BRAT1: variants seen among roughly 807,000 people sequenced by gnomAD.
BRAT1 encodes the protein BRCA1 associated ATM activator 1, also known as integrator complex assembly factor BRAT1.
In BRAT1, 74 loss-of-function variants were observed where a neutral mutation model predicts 70.6. That is an observed-to-expected ratio of 1.05 (90% CI 0.87 to 1.27). The LOEUF is 1.27. BRAT1 is among the 50% of genes most tolerant of loss of function. The pLI, the probability that BRAT1 is intolerant of heterozygous loss-of-function variation, is 0.00. For synonymous variants in BRAT1, 615 were observed against 517.1 expected, an observed-to-expected ratio of 1.19 and a Z score of -2.57; for missense variants, 1,203 against 1,098.2, an observed-to-expected ratio of 1.10 and a Z score of -1.35.
intron 8 of BRAT1, 89 bp from the exon 9 acceptor site, chr7:2,541,573 G>C (rs2128391756): frequency 6.8e-7 from 1 of 1,470,242 alleles, no homozygotes; most frequent in African/African-American, 1.4e-5. Context: ...TGTGGGGCGG[G>C]GGACATCAGC....
In BRAT1 at chr7:2,541,355, A is replaced by G; in HGVS notation, c.1264T>C (p.Cys422Arg). The change falls in exon 9 of 14, where the codon TGC (cysteine) becomes CGC (arginine). Residue 422 changes from cysteine (C) to arginine (R), a missense_variant. Coordinates refer to ENST00000340611, the MANE Select transcript of BRAT1 (RefSeq NM_152743.4). ...GGHLCGTLAG[C>R]VRVQRAALDF... ...AGGGCTGCTCGCTGGACCCGGACGC[A>G]GCCCGCCAGGGTCCCACAGAGGTGG... 6.2e-7 allele frequency: 1 copy of G among 1,606,272 alleles called. No homozygotes were observed. Among genetic ancestry groups the G allele is most frequent in the Non-Finnish European group, 8.5e-7 (1 of 1,179,532 alleles).
In BRAT1 at chr7:2,543,483, G is replaced by A. The variant is rs780969251; in HGVS notation, c.803+107C>T. 1.3e-6 allele frequency: 2 copies of A among 1,482,770 alleles called. No homozygotes were observed. Among genetic ancestry groups the A allele is most frequent in the East Asian group, 2.4e-5 (1 of 42,214 alleles). 91.9% of individuals were successfully genotyped at this position (1,482,770 alleles called of 1,614,324 possible). ...GTCACCCCGGTGCCGCTTCACTGCA[G>A]GCCATGTCCTCAGAGAGTCTCCGGC... On this transcript the variant is annotated intron_variant, in intron 5 of 13. Transcript: ENST00000340611. The surrounding 1 kb of genome is among the most constrained non-coding windows in gnomAD (Gnocchi z 5.5).
chr7:2,552,188 G>A (rs1177007639), intron 2 of BRAT1, among the ~76,000 whole-genome samples: 1 of 133,448 alleles, frequency 7.5e-6, no homozygotes, highest in Admixed American at 8.2e-5. Flanking sequence ...CGTTATCTCG[G>A]CTCACTGCAA....
At chr7:2,539,967 G>A (rs1464783801) in intron 10 of BRAT1, 79 bp from the exon 11 acceptor site, 9 of 1,033,552 alleles carry the variant, frequency 8.7e-6, no homozygotes, top group Non-Finnish European at 1.2e-5. Context: ...GCCTTCACCT[G>A]TGCTGCCCGT....
rs540656601 is a variant in BRAT1 at position 2,549,165 on chromosome 7, T to A, written c.128-1687A>T. The stretch of plus-strand genomic sequence containing the variant: ...AAAGTCTAATTAACTTCAGACTTTT[T>A]AAAAAATCCGGTTCTCATGTTAAAA... On this transcript the variant is annotated intron_variant, in intron 2 of 13. Transcript: ENST00000340611. Among the ~76,000 whole-genome samples, 6 of 152,218 alleles carry A rather than the reference T, an allele frequency of 3.9e-5. No homozygotes were observed. The South Asian group carries it at 1.0e-3, about 26-fold the overall frequency.
rs1779306204 is a variant in BRAT1 at position 2,543,100 on chromosome 7, C to T, written c.923+104G>A. Reference sequence around the variant, plus strand: ...CACCCCGCACGGCCGCCTGACTGTCCCTGGTGTCCGGAACTCCCCTGCCAT... The same window carrying T: ...CACCCCGCACGGCCGCCTGACTGTCTCTGGTGTCCGGAACTCCCCTGCCAT... On this transcript the variant is annotated intron_variant, in intron 6 of 13. Coordinates refer to ENST00000340611, the MANE Select transcript of BRAT1 (RefSeq NM_152743.4). The surrounding 1 kb of genome is among the most constrained non-coding windows in gnomAD (Gnocchi z 5.5). The T allele has an allele frequency of 7.1e-7, 1 of 1,414,562 alleles. No individual in the cohort carries two copies. The highest frequency in any genetic ancestry group is 1.5e-5 in the African/African-American group (1 of 68,172). The allele number at this position is 1,414,562 out of a possible 1,614,324, so 87.6% of individuals were successfully genotyped here.
rs1562573026 is a variant in BRAT1, at chr7:2,541,367, TC to T, written c.1251del (p.Thr418ProfsTer29). 3 of 1,607,642 alleles carry T rather than the reference TC, an allele frequency of 1.9e-6. No homozygotes were observed. Among genetic ancestry groups the T allele is most frequent in the Non-Finnish European group, 2.5e-6 (3 of 1,179,550 alleles). ...TGGACCCGGACGCAGCCCGCCAGGG[TC>T]CCACAGAGGTGGCCCCCCACACTGG... ...PASSVGGHLCGTLAGCVRVQR... is the reference protein window; with the variant it reads ...PASSVGGHLCXTLAGCVRVQR... On this transcript the variant is annotated frameshift_variant, in exon 9 of 14. Transcript: ENST00000340611. LOFTEE classifies it high-confidence loss of function.
chr7:2,548,700 C>T (rs1042872177), intron 2 of BRAT1, among the ~76,000 whole-genome samples: 16 of 149,876 alleles, frequency 1.1e-4, no homozygotes, highest in Admixed American at 6.6e-4. Context: ...TGGTGGCTCA[C>T]GCCTGTAATC....
intron 2 of BRAT1, among the ~76,000 whole-genome samples, chr7:2,550,826 T>C (rs757021904): frequency 1.3e-5 from 2 of 152,282 alleles, no homozygotes; most frequent in East Asian, 1.9e-4. Flanking sequence ...TACTAAGAAC[T>C]GTTGAATTGG....
Position 2,547,268 on chromosome 7 carries a change from AG to A in BRAT1, c.282+55del. The A allele has an allele frequency of 1.9e-6, 3 of 1,594,016 alleles. 1 individual carries two copies. The East Asian group carries it at 6.7e-5, about 36-fold the overall frequency. On this transcript the variant is annotated intron_variant, in intron 3 of 13. Coordinates refer to ENST00000340611, the MANE Select transcript of BRAT1 (RefSeq NM_152743.4). ...TACAAATGCCCCACCTGGCTGCGGGAGGAAAAGCCTGCCCACCTCTCCACGG... is the reference window on the plus strand; with the variant it reads ...TACAAATGCCCCACCTGGCTGCGGGAGAAAAGCCTGCCCACCTCTCCACGG...
chr7:2,552,629 G>A (rs1053139791), intron 2 of BRAT1, among the ~76,000 whole-genome samples: 1 of 151,682 alleles, frequency 6.6e-6, no homozygotes, highest in Admixed American at 6.6e-5. Context: ...AAAAAAGGAA[G>A]TAAAGAATAG....
At chr7:2,553,364 A>C (rs1197919077) in intron 2 of BRAT1, among the ~76,000 whole-genome samples, 1 of 152,194 alleles carries the variant, frequency 6.6e-6, no homozygotes, top group Non-Finnish European at 1.5e-5. Flanking sequence ...AAAATGAGAA[A>C]TATAAACATC....
intron 13 of BRAT1, 119 bp downstream of exon 13, chr7:2,539,050 TGCTGCAGGCG>T: frequency 6.8e-7 from 1 of 1,459,872 alleles, no homozygotes; most frequent in Non-Finnish European, 9.0e-7. Flanking sequence ...CGGCAGTCAC[TGCTGCAGGCG>T]CTGCCCACAG....
intron 10 of BRAT1, 105 bp downstream of exon 10, chr7:2,540,874 G>T: frequency 8.5e-7 from 1 of 1,181,592 alleles, no homozygotes; most frequent in Non-Finnish European, 1.1e-6. Context: ...GGCCCTGTGT[G>T]AAGGCCCCAT....
chr7:2,537,992 G>C lies in BRAT1; in HGVS notation c.*77C>G, dbSNP rs1210735190. On this transcript the variant is annotated 3_prime_UTR_variant, in exon 14 of 14. Coordinates refer to ENST00000340611, the MANE Select transcript of BRAT1 (RefSeq NM_152743.4). ...TCCACCGGGCTGGGCTGGAGCCCTG[G>C]GGCTGGCAGTGTCCCACAGAAGGAC... is the stretch of plus-strand genomic sequence containing the variant. 2.8e-6 allele frequency: 4 copies of C among 1,445,046 alleles called. No homozygotes were observed. The Admixed American group carries it at 8.4e-5, about 30-fold the overall frequency. 89.5% of individuals were successfully genotyped at this position (1,445,046 alleles called of 1,614,324 possible). A position where few individuals can be genotyped will look rare whatever the true frequency, so the allele number is the denominator to read the frequency against.
intron 2 of BRAT1, among the ~76,000 whole-genome samples, chr7:2,551,941 C>G (rs1355796268): frequency 6.7e-6 from 1 of 149,200 alleles, no homozygotes; most frequent in Non-Finnish European, 1.5e-5. Flanking sequence ...AAAGGATACT[C>G]TTTTAAGTAA....
At chr7:2,546,898 C>T (rs901720051) in intron 3 of BRAT1, among the ~76,000 whole-genome samples, 8 of 152,180 alleles carry the variant, frequency 5.3e-5, no homozygotes, top group African/African-American at 1.7e-4. Flanking sequence ...GACAACCCCA[C>T]GGCGCAGCTA....
intron 4 of BRAT1, 141 bp from the exon 5 acceptor site, chr7:2,544,103 A>G (rs1027130249): frequency 1.5e-6 from 1 of 660,324 alleles, no homozygotes; most frequent in Admixed American, 3.7e-5. Flanking sequence ...AAAGCAAAAA[A>G]GAACAGGAAC....
At chr7:2,546,650 G>C (rs966091973) in intron 3 of BRAT1, among the ~76,000 whole-genome samples, 2 of 151,882 alleles carry the variant, frequency 1.3e-5, no homozygotes, top group Non-Finnish European at 2.9e-5. Flanking sequence ...CAGGAGAATC[G>C]CTTGAACCTG....
Sources: allele counts gnomAD v4.1 joint callset (sites outside exome capture counted in the v4.1 genomes callset), GRCh38; gene constraint gnomAD v4.1.1; non-coding constraint Gnocchi (gnomAD v3.1); transcripts MANE v1.5; gene names NCBI Gene and HGNC (gene_info 2026-07-23, HGNC 2026-07-21).